Variants in STX6 observed in about 807,000 individuals in gnomAD.
The protein encoded by STX6 is syntaxin 6, also known as syntaxin-6.
A neutral mutation model predicts 38.0 loss-of-function variants in STX6; 23 were observed. The observed-to-expected ratio is 0.60, with a 90% CI of 0.43 to 0.86. The LOEUF is 0.86. STX6 is among the 40% of genes least tolerant of loss of function. The probability of loss-of-function intolerance (pLI) is 0.00; values close to 1 mark genes in which losing one functional copy is unlikely to be tolerated. For missense variants in STX6, 274 were observed against 312.9 expected, an observed-to-expected ratio of 0.88 and a Z score of 0.94; for synonymous variants, 123 against 107.5, an observed-to-expected ratio of 1.14 and a Z score of -0.89.
At chr1:180,980,707 A>C (rs1655386189) in intron 7 of STX6, 1 of 152,026 alleles carries the variant, frequency 6.6e-6, no homozygotes. Flanking sequence ...GGCGCACGCC[A>C]CCACGCCTGG....
chr1:181,013,679 T>C (rs1456985368), intron 1 of STX6, among the ~76,000 whole-genome samples: 1 of 152,208 alleles, frequency 6.6e-6, no homozygotes, highest in African/African-American at 2.4e-5. Context: ...CCCCAAAATT[T>C]AGTGGTGTAA....
chr1:180,973,882 T>C lies in STX6; in HGVS notation c.*2688A>G, dbSNP rs887991534. On this transcript the variant is annotated 3_prime_UTR_variant, in exon 8 of 8. Coordinates refer to ENST00000258301, the MANE Select transcript of STX6 (RefSeq NM_005819.6). ...CATAAATTGAGCTCTTCCTCTGTTATCCATCACATTCTGCCAGTTCTTTAA... is the reference window on the plus strand; with the variant it reads ...CATAAATTGAGCTCTTCCTCTGTTACCCATCACATTCTGCCAGTTCTTTAA... 1 of 152,214 alleles carries C rather than the reference T, an allele frequency of 6.6e-6. No homozygotes were observed. Among genetic ancestry groups the C allele is most frequent in the Non-Finnish European group, 1.5e-5 (1 of 68,042 alleles). 9.4% of individuals were successfully genotyped at this position (152,214 alleles called of 1,614,324 possible).
rs1558084828 is a variant in STX6, at chr1:180,976,566, GCCGT to G, written c.768_*3del. 6.2e-7 allele frequency: 1 copy of G among 1,613,376 alleles called. No individual in the cohort carries two copies. Among genetic ancestry groups the G allele is most frequent in the Non-Finnish European group, 8.5e-7 (1 of 1,179,836 alleles). ...GGAGGAACTCGCACCCAGAGGCCCC[GCCGT>G]CACAGCACTAAGAAGAGGATGAGCA... On this transcript the variant is annotated stop_lost and 3_prime_UTR_variant, in exon 8 of 8. Coordinates refer to ENST00000258301, the MANE Select transcript of STX6 (RefSeq NM_005819.6).
intron 7 of STX6, among the ~76,000 whole-genome samples, chr1:180,977,760 T>C (rs1196991468): frequency 1.3e-5 from 2 of 152,200 alleles, no homozygotes; most frequent in Non-Finnish European, 2.9e-5. Flanking sequence ...GAGAATCACG[T>C]TGCAAAAAGA....
At chr1:180,991,186 A>C (rs1655748685) in intron 4 of STX6, among the ~76,000 whole-genome samples, 2 of 152,176 alleles carry the variant, frequency 1.3e-5, no homozygotes, top group African/African-American at 4.8e-5. Flanking sequence ...AACTCCATCA[A>C]ATGGCCAGAC....
chr1:180,998,278 TA>T (rs1655971361), intron 3 of STX6, among the ~76,000 whole-genome samples: 1 of 152,240 alleles, frequency 6.6e-6, no homozygotes, highest in Non-Finnish European at 1.5e-5. Context: ...GCATGGGTGT[TA>T]GCCCTGATGA....
chr1:180,978,477 C>A (rs138820835), intron 7 of STX6, among the ~76,000 whole-genome samples: 9 of 152,256 alleles, frequency 5.9e-5, no homozygotes, highest in Middle Eastern at 3.4e-3. Context: ...CCAGGTGGAC[C>A]CAGGCGAAGG....
In STX6 at chr1:181,002,842, TCA is replaced by T. The variant is rs1482387644; in HGVS notation, c.206-144_206-143del. 1.0e-5 allele frequency: 6 copies of T among 598,374 alleles called. No homozygotes were observed. The Middle Eastern group carries it at 1.1e-3, about 110-fold the overall frequency. 37.1% of individuals were successfully genotyped at this position (598,374 alleles called of 1,614,324 possible). A position where few individuals can be genotyped will look rare whatever the true frequency, so the allele number is the denominator to read the frequency against. On this transcript the variant is annotated intron_variant, in intron 2 of 7. Coordinates refer to ENST00000258301, the MANE Select transcript of STX6 (RefSeq NM_005819.6). ...ACAGTCAGCTGGACACCAATCATTC[TCA>T]GACTTCCTCTGCCCACAGCCACAGG...
chr1:181,012,747 TCAC>T (rs1292917988), intron 1 of STX6, among the ~76,000 whole-genome samples: 2 of 146,142 alleles, frequency 1.4e-5, no homozygotes, highest in Non-Finnish European at 3.0e-5. Context: ...CAATCTCAGC[TCAC>T]CACAACCTCC....
At position 180,972,773 on chromosome 1, in the gene STX6, C is replaced by G; in HGVS notation, c.*3797G>C. ...CCTTTTCCGGAGACTTTTGTACATA[C>G]TGTTGTCCTGAGTAACAGTATCTCT... is the stretch of plus-strand genomic sequence containing the variant. On this transcript the variant is annotated 3_prime_UTR_variant, in exon 8 of 8. Coordinates refer to ENST00000258301, the MANE Select transcript of STX6 (RefSeq NM_005819.6). 1 of 374,628 alleles carries G rather than the reference C, an allele frequency of 2.7e-6. No homozygotes were observed. Among genetic ancestry groups the G allele is most frequent in the Non-Finnish European group, 5.3e-6 (1 of 188,338 alleles). The allele number at this position is 374,628 out of a possible 1,614,324, so 23.2% of individuals were successfully genotyped here.
At chr1:180,989,910 CATGGCTGGCAAAGGAACT>C in intron 5 of STX6, 56 bp downstream of exon 5, 3 of 1,573,258 alleles carry the variant, frequency 1.9e-6, no homozygotes, top group Non-Finnish European at 2.6e-6. Flanking sequence ...CACAAGACCC[CATGGCTGGCAAAGGAACT>C]AAGGGGGTGT....
intron 1 of STX6, among the ~76,000 whole-genome samples, chr1:181,005,768 T>C (rs1173568969): frequency 6.6e-6 from 1 of 152,186 alleles, no homozygotes; most frequent in African/African-American, 2.4e-5. Context: ...AATGAAGCAA[T>C]CCTACAAATT....
intron 6 of STX6, among the ~76,000 whole-genome samples, 182 bp from the exon 7 acceptor site, chr1:180,984,953 A>G (rs4652547): frequency 0.56 from 84,991 of 151,972 alleles, 24,117 homozygotes; most frequent in East Asian, 0.63. Flanking sequence ...TGGAATTCTC[A>G]GGATTAAAAA....
Position 180,986,029 on chromosome 1 carries a change from C to T in STX6, c.597-1258G>A, listed in dbSNP as rs569324738. 1.2e-4 allele frequency among the ~76,000 whole-genome samples: 18 copies of T among 152,334 alleles called. No individual in the cohort carries two copies. The South Asian group carries it at 3.1e-3, about 26-fold the overall frequency. The stretch of plus-strand genomic sequence containing the variant: ...ATTTTAGATCCTGGCAGCATCTTGG[C>T]GCTGCAGCTGGCAGGCCTATCCAGG... On this transcript the variant is annotated intron_variant, in intron 6 of 7. Coordinates refer to ENST00000258301, the MANE Select transcript of STX6 (RefSeq NM_005819.6).
intron 1 of STX6, among the ~76,000 whole-genome samples, chr1:181,022,426 G>T (rs1480450184): frequency 6.6e-6 from 1 of 152,154 alleles, no homozygotes; most frequent in Non-Finnish European, 1.5e-5. Flanking sequence ...ACCACCAGGG[G>T]CTTGGCTGGG....
intron 1 of STX6, among the ~76,000 whole-genome samples, chr1:181,007,296 GCT>G (rs1656252758): frequency 6.6e-6 from 1 of 151,558 alleles, no homozygotes; most frequent in Admixed American, 6.6e-5. Flanking sequence ...TATGTAAATT[GCT>G]GTTATACTGT....
intron 1 of STX6, among the ~76,000 whole-genome samples, chr1:181,018,762 T>C (rs1558101948): frequency 6.6e-6 from 1 of 152,182 alleles, no homozygotes; most frequent in Non-Finnish European, 1.5e-5. Context: ...TTTTCATCTT[T>C]CCTCACACTG....
chr1:180,994,930 A>T (rs1038674012), intron 3 of STX6, among the ~76,000 whole-genome samples: 1 of 133,488 alleles, frequency 7.5e-6, no homozygotes, highest in Non-Finnish European at 1.7e-5. Flanking sequence ...TACCCTAAAA[A>T]TATGCACAAC....
intron 3 of STX6, among the ~76,000 whole-genome samples, chr1:181,000,996 A>G (rs1017320086): frequency 3.3e-5 from 5 of 152,186 alleles, no homozygotes; most frequent in Admixed American, 1.3e-4. Flanking sequence ...CTAGAAATTA[A>G]GAATGTCCAA....
Sources: gnomAD v4.1 joint callset for allele counts (sites outside exome capture counted in the v4.1 genomes callset) on GRCh38, gnomAD v4.1.1 for gene constraint, MANE v1.5 for transcripts, NCBI Gene and HGNC (gene_info 2026-07-23, HGNC 2026-07-21) for gene names.